The following SLC18A1 variants were observed in gnomAD, a reference collection of about 807,000 sequenced individuals.
SLC18A1 encodes the protein solute carrier family 18 member A1, also known as chromaffin granule amine transporter.
In SLC18A1, 69 loss-of-function variants were observed where a neutral mutation model predicts 53.7. The observed-to-expected ratio is 1.28, with a 90% confidence interval of 1.06 to 1.57. SLC18A1 has a LOEUF of 1.57. SLC18A1 is among the 40% of genes most tolerant of loss of function. SLC18A1 has a pLI of 0.00. For missense variants in SLC18A1, 932 were observed against 668.1 expected, an observed-to-expected ratio of 1.40 and a Z score of -4.35; for synonymous variants, 320 against 248.1, an observed-to-expected ratio of 1.29 and a Z score of -2.72.
In SLC18A1 at chr8:20,179,144, T is replaced by C. The variant is rs1389848326; in HGVS notation, c.465A>G (p.Pro155=). The C allele has an allele frequency of 4.3e-6, 7 of 1,612,842 alleles. No individual in the cohort carries two copies. Among genetic ancestry groups the C allele is most frequent in the East Asian group, 4.5e-5 (2 of 44,864 alleles). Residue 155 remains proline, a synonymous_variant, in exon 3 of 16, where the codon CCA becomes CCG. Transcript: ENST00000276373. The part of the protein sequence containing the change: ...SKAVMQLLVN[P]FVGPLTNRIG... ...ACCTGTTGGTGAGAGGGCCCACGAA[T>C]GGGTTGACCAGAAGTTGCATCACAG... is the stretch of plus-strand genomic sequence containing the variant.
At chr8:20,169,065 C>T (rs890145602) in intron 8 of SLC18A1, among the ~76,000 whole-genome samples, 6 of 151,960 alleles carry the variant, frequency 3.9e-5, no homozygotes, top group Non-Finnish European at 7.4e-5. Flanking sequence ...CACAAGAGAC[C>T]CAGACAACAC....
rs1040679276 is a variant in SLC18A1 at position 20,182,695 on chromosome 8, C to T, written c.-124+368G>A. Among the ~76,000 whole-genome samples, 6 of 152,338 alleles carry T rather than the reference C, an allele frequency of 3.9e-5. No homozygotes were observed. In the South Asian group the frequency reaches 1.0e-3, roughly 26 times the overall value. ...CAGGGCTGGAAGAACCCTCTCACTACTACATATTAACGTGACCAAGGTCCT... is the reference window on the plus strand; with the variant it reads ...CAGGGCTGGAAGAACCCTCTCACTATTACATATTAACGTGACCAAGGTCCT... On this transcript the variant is annotated intron_variant, in intron 1 of 15. Coordinates refer to ENST00000276373, the MANE Select transcript of SLC18A1 (RefSeq NM_003053.4).
At chr8:20,149,572 T>TTCTCTCTCTCTCTCTCCCTC in intron 12 of SLC18A1, 104 bp downstream of exon 12, 1 of 856,230 alleles carries the variant, frequency 1.2e-6, no homozygotes, top group Non-Finnish European at 1.8e-6. Context: ...GTCTGTGTCT[T>TTCTCTCTCTCTCTCTCCCTC]TCTCTCTCTC....
intron 10 of SLC18A1, among the ~76,000 whole-genome samples, chr8:20,156,011 A>G (rs1208277440): frequency 6.6e-6 from 1 of 152,252 alleles, no homozygotes; most frequent in Non-Finnish European, 1.5e-5. Flanking sequence ...CCTGTGCAAT[A>G]CAATCTCCAA....
At chr8:20,158,212 C>A in intron 10 of SLC18A1, among the ~76,000 whole-genome samples, 1 of 152,170 alleles carries the variant, frequency 6.6e-6, no homozygotes, top group East Asian at 1.9e-4. Flanking sequence ...ACTCTCCTGT[C>A]CCTGACAACT....
At chr8:20,162,256 C>A (rs909538428) in intron 10 of SLC18A1, among the ~76,000 whole-genome samples, 1 of 152,176 alleles carries the variant, frequency 6.6e-6, no homozygotes, top group African/African-American at 2.4e-5. Flanking sequence ...GGAAGCACAG[C>A]TTCGAAGGTC....
chr8:20,145,528 T>A lies in SLC18A1; in HGVS notation c.*235A>T. ...AACCTCACAGCAGCGGGAAGGTGCATCACTCTGTCTTCCCATAAAAGATGG... is the reference window on the plus strand; with the variant it reads ...AACCTCACAGCAGCGGGAAGGTGCAACACTCTGTCTTCCCATAAAAGATGG... On this transcript the variant is annotated 3_prime_UTR_variant, in exon 16 of 16. Coordinates refer to ENST00000276373, the MANE Select transcript of SLC18A1 (RefSeq NM_003053.4). The A allele has an allele frequency of 2.7e-6, 1 of 364,260 alleles. No individual in the cohort carries two copies. Among genetic ancestry groups the A allele is most frequent in the East Asian group, 4.4e-5 (1 of 22,640 alleles). 22.6% of individuals were successfully genotyped at this position (364,260 alleles called of 1,614,324 possible). A position where few individuals can be genotyped will look rare whatever the true frequency, so the allele number is the denominator to read the frequency against.
rs115524065 is a variant in SLC18A1, at chr8:20,162,874, G to A, written c.1015+1995C>T. 2.2e-3 allele frequency among the ~76,000 whole-genome samples: 331 copies of A among 152,242 alleles called. 2 individuals carry two copies. The highest frequency in any genetic ancestry group is 7.6e-3 in the African/African-American group (316 of 41,540). On this transcript the variant is annotated intron_variant, in intron 10 of 15. Transcript: ENST00000276373. ...ACCACAGCAATACAGGCTCTTTCTA[G>A]CCTGCTCCTCCAAATTATTGCAGCC...
chr8:20,176,050 T>C (rs996535152), intron 4 of SLC18A1: 1 of 152,284 alleles, frequency 6.6e-6, no homozygotes, highest in East Asian at 1.9e-4. Context: ...GGGAAGCCCC[T>C]CACTACAGTG....
intron 10 of SLC18A1, among the ~76,000 whole-genome samples, chr8:20,160,473 C>T (rs969247883): frequency 1.3e-5 from 2 of 151,730 alleles, no homozygotes; most frequent in African/African-American, 2.4e-5. Context: ...GCATGAAAAA[C>T]ATCTGTTTTT....
chr8:20,181,894 A>G (rs571067949), intron 1 of SLC18A1: 1 of 152,326 alleles, frequency 6.6e-6, no homozygotes, highest in East Asian at 1.9e-4. Flanking sequence ...CTGTGGTTCT[A>G]GAAGCACGCT....
chr8:20,165,249 C>G, intron 8 of SLC18A1, 142 bp from the exon 9 acceptor site: 1 of 727,134 alleles, frequency 1.4e-6, no homozygotes, highest in Non-Finnish European at 2.3e-6. Flanking sequence ...AACCCCAGTA[C>G]AGGGAGAGAA....
intron 10 of SLC18A1, among the ~76,000 whole-genome samples, chr8:20,157,339 A>G (rs1260517476): frequency 2.0e-5 from 3 of 152,188 alleles, no homozygotes; most frequent in South Asian, 2.1e-4. Flanking sequence ...GATCTCTGGT[A>G]TCTCAGTCAG....
At position 20,171,468 on chromosome 8, in the gene SLC18A1, A is replaced by T. The variant is rs200275814; in HGVS notation, c.751T>A (p.Tyr251Asn). Reference protein sequence around the residue: ...LVGAPFGSVMYEFVGKSAPFL... With the variant: ...LVGAPFGSVMNEFVGKSAPFL... ...GGTGCAGACTTCCCAACAAACTCGT[A>T]CATTACACTTCCAAAGGGAGCTCCC... Residue 251 changes from tyrosine (Y) to asparagine (N), a missense_variant, in exon 7 of 16, where the codon TAC (tyrosine) becomes AAC (asparagine). Coordinates refer to ENST00000276373, the MANE Select transcript of SLC18A1 (RefSeq NM_003053.4). 7.4e-6 allele frequency: 12 copies of T among 1,614,156 alleles called. No homozygotes were observed. The East Asian group carries it at 2.7e-4, about 36-fold the overall frequency.
intron 10 of SLC18A1, among the ~76,000 whole-genome samples, chr8:20,157,186 G>A (rs759680130): frequency 7.2e-5 from 11 of 152,160 alleles, no homozygotes; most frequent in Non-Finnish European, 1.5e-4. Flanking sequence ...GCATCCTCAT[G>A]TTCTTTTTTC....
chr8:20,179,887 C>T (rs2072377473), intron 2 of SLC18A1, among the ~76,000 whole-genome samples: 2 of 152,148 alleles, frequency 1.3e-5, no homozygotes, highest in African/African-American at 4.8e-5. Flanking sequence ...ACAGACATGT[C>T]CAGCTCTCAC....
At chr8:20,155,771 G>A (rs1027144889) in intron 10 of SLC18A1, among the ~76,000 whole-genome samples, 9 of 151,778 alleles carry the variant, frequency 5.9e-5, no homozygotes, top group East Asian at 1.9e-4. Flanking sequence ...ATCTCCAAAG[G>A]GGATCTAAGG....
At chr8:20,178,131 C>CAG (rs1346258271) in intron 4 of SLC18A1, among the ~76,000 whole-genome samples, 1 of 151,612 alleles carries the variant, frequency 6.6e-6, no homozygotes, top group African/African-American at 2.4e-5. Context: ...AACACACACA[C>CAG]ACACACACAC....
At chr8:20,148,121 G>A (rs775203475) in intron 12 of SLC18A1, 51 bp from the exon 13 acceptor site, 1 of 1,539,134 alleles carries the variant, frequency 6.5e-7, no homozygotes, top group East Asian at 2.2e-5. Flanking sequence ...GGTCAGGTGG[G>A]AGCAAGGTTC....
Sources: gnomAD v4.1 joint callset for allele counts (sites outside exome capture counted in the v4.1 genomes callset) on GRCh38, gnomAD v4.1.1 for gene constraint, MANE v1.5 for transcripts, NCBI Gene and HGNC (gene_info 2026-07-23, HGNC 2026-07-21) for gene names.